Variants in CRABP1 observed in about 807,000 individuals in gnomAD.
The protein encoded by CRABP1 is cellular retinoic acid-binding protein 1.
In CRABP1, 9 loss-of-function variants were observed where a neutral mutation model predicts 16.4. That is an observed-to-expected ratio of 0.55 (90% confidence interval 0.33 to 0.96). CRABP1 has a LOEUF of 0.96. CRABP1 is among the 40% of genes least tolerant of loss of function. The probability of loss-of-function intolerance (pLI) is 0.03; values close to 1 mark genes in which losing one functional copy is unlikely to be tolerated. For synonymous variants in CRABP1, 72 were observed against 70.4 expected (o/e 1.02, Z -0.11); for missense variants, 157 against 186.0 (o/e 0.84, Z 0.91).
Position 78,344,069 on chromosome 15 carries a change from T to C in CRABP1, c.363+457T>C, listed in dbSNP as rs188070116. Among the ~76,000 whole-genome samples the C allele has an allele frequency of 4.2e-3, 642 of 152,294 alleles. 10 individuals carry two copies. The highest frequency in any genetic ancestry group is 0.015 in the African/African-American group (614 of 41,564). On this transcript the variant is annotated intron_variant, in intron 3 of 3. Transcript: ENST00000299529. ...CAGAACCTTAGAGAACATTTTTAGC[T>C]GTGATTTGCAAACTCCAATGGCCTT...
Position 78,341,449 on chromosome 15 carries a change from G to A in CRABP1, c.249+228G>A, listed in dbSNP as rs960635826. On this transcript the variant is annotated intron_variant, in intron 2 of 3. Transcript: ENST00000299529. The surrounding 1 kb of genome is among the most constrained non-coding windows in gnomAD (Gnocchi z 5.3). ...CCCCATCCCTACGCTGCCTCCCGGG[G>A]TGCTAACAGCCGCGCTTAAAGAGCG... 134 of 545,644 alleles carry A rather than the reference G, an allele frequency of 2.5e-4. 1 individual carries two copies. Among genetic ancestry groups the A allele is most frequent in the South Asian group, 5.3e-4 (27 of 50,704 alleles). 33.8% of individuals were successfully genotyped at this position (545,644 alleles called of 1,614,324 possible).
intron 3 of CRABP1, among the ~76,000 whole-genome samples, chr15:78,347,489 C>T (rs1020731025): frequency 6.6e-6 from 1 of 152,298 alleles, no homozygotes; most frequent in African/African-American, 2.4e-5. Context: ...CAGTTCTATT[C>T]CTTCTCCAAA....
rs769346768 is a variant in CRABP1, at chr15:78,341,194, G to A, written c.222G>A (p.Glu74=). 9.9e-6 allele frequency: 16 copies of A among 1,611,974 alleles called. No individual in the cohort carries two copies. The South Asian group carries it at 1.8e-4, about 18-fold the overall frequency. ...TCAAGGTCGGAGAAGGCTTTGAGGA[G>A]GAGACCGTGGACGGACGCAAGTGCA... is the stretch of plus-strand genomic sequence containing the variant. ...INFKVGEGFE[E]ETVDGRKCRS... The change falls in exon 2 of 4, where the codon GAG becomes GAA. Residue 74 remains glutamate, a synonymous_variant. Transcript: ENST00000299529. This position sits in a 1 kb window ranked among gnomAD's most constrained non-coding sequence, Gnocchi z 5.3.
chr15:78,340,916 G>T, intron 1 of CRABP1, 127 bp from the exon 2 acceptor site: 2 of 962,306 alleles, frequency 2.1e-6, no homozygotes, highest in Non-Finnish European at 3.0e-6. Context: ...AAACAAGGGC[G>T]AGGGCAGGGA....
Position 78,341,259 on chromosome 15 carries a change from C to T in CRABP1, c.249+38C>T, listed in dbSNP as rs767181206. The T allele has an allele frequency of 6.3e-7, 1 of 1,578,976 alleles. No individual in the cohort carries two copies. The highest frequency in any genetic ancestry group is 8.6e-7 in the Non-Finnish European group (1 of 1,162,346). On this transcript the variant is annotated intron_variant, in intron 2 of 3. Coordinates refer to ENST00000299529, the MANE Select transcript of CRABP1 (RefSeq NM_004378.3). The surrounding 1 kb of genome is among the most constrained non-coding windows in gnomAD (Gnocchi z 5.3). ...AGCCACTACAGCGTCCCCGTGTCCC[C>T]GCTCGGTGCCCATGGCCCACTGCTG...
chr15:78,347,164 A>G (rs2050271001), intron 3 of CRABP1, among the ~76,000 whole-genome samples: 1 of 152,124 alleles, frequency 6.6e-6, no homozygotes, highest in South Asian at 2.1e-4. Flanking sequence ...CCATCTGTGC[A>G]ATGATTCGTG....
At position 78,343,265 on chromosome 15, in the gene CRABP1, G is replaced by A. The variant is rs190822623; in HGVS notation, c.250-234G>A. Among the ~76,000 whole-genome samples, 653 of 152,270 alleles carry A rather than the reference G, an allele frequency of 4.3e-3. 10 individuals are homozygous for A. The highest frequency in any genetic ancestry group is 0.015 in the African/African-American group (610 of 41,546). On this transcript the variant is annotated intron_variant, in intron 2 of 3. Coordinates refer to ENST00000299529, the MANE Select transcript of CRABP1 (RefSeq NM_004378.3). ...GCTGCTTCAGTAAGAGATTGTTTGT[G>A]TGTGCTTGTGAGTGTGTGTGTGTGT...
chr15:78,346,831 G>A (rs945065021), intron 3 of CRABP1, among the ~76,000 whole-genome samples: 1 of 152,184 alleles, frequency 6.6e-6, no homozygotes, highest in Non-Finnish European at 1.5e-5. Context: ...TCCTAGGATA[G>A]CTAAATGCCT....
In CRABP1 at chr15:78,348,038, T is replaced by C. The variant is rs2050276977; in HGVS notation, c.*61T>C. 6.5e-6 allele frequency: 10 copies of C among 1,537,852 alleles called. No homozygotes were observed. The highest frequency in any genetic ancestry group is 9.0e-6 in the Non-Finnish European group (10 of 1,114,858). On this transcript the variant is annotated 3_prime_UTR_variant, in exon 4 of 4. Transcript: ENST00000299529. ...GCAGGCTCCCCTGAGGAATATGTCA[T>C]AGTTCTGAGCTGCCAGTGGACCGCC... is the stretch of plus-strand genomic sequence containing the variant.
chr15:78,342,861 T>G (rs544510642), intron 2 of CRABP1, among the ~76,000 whole-genome samples: 61 of 152,318 alleles, frequency 4.0e-4, no homozygotes, highest in African/African-American at 1.3e-3. Context: ...CTTGTGGTTC[T>G]GATGTGAAGG....
At chr15:78,343,363 G>C in intron 2 of CRABP1, 136 bp from the exon 3 acceptor site, 2 of 694,702 alleles carry the variant, frequency 2.9e-6, no homozygotes, top group Admixed American at 5.0e-5. Flanking sequence ...AGGCTCAGCG[G>C]AGAAGAATCT....
At chr15:78,346,064 T>C (rs985420841) in intron 3 of CRABP1, among the ~76,000 whole-genome samples, 1 of 152,216 alleles carries the variant, frequency 6.6e-6, no homozygotes, top group African/African-American at 2.4e-5. Flanking sequence ...TCTTCTCATG[T>C]CATGAAGCTA....
chr15:78,343,628 C>T lies in CRABP1; in HGVS notation c.363+16C>T. ...ACTTATCCTGGTAGGGAACCCTTGA[C>T]CCTGAAATAATCCTGAAGTTCCCCC... On this transcript the variant is annotated intron_variant, in intron 3 of 3. Transcript: ENST00000299529. The T allele has an allele frequency of 6.2e-7, 1 of 1,608,296 alleles. No individual in the cohort carries two copies. The highest frequency in any genetic ancestry group is 8.5e-7 in the Non-Finnish European group (1 of 1,175,120).
At position 78,348,064 on chromosome 15, in the gene CRABP1, C is replaced by A; in HGVS notation, c.*87C>A. 4 of 1,273,464 alleles carry A rather than the reference C, an allele frequency of 3.1e-6. No individual in the cohort carries two copies. The South Asian group carries it at 5.0e-5, about 16-fold the overall frequency. 78.9% of individuals were successfully genotyped at this position (1,273,464 alleles called of 1,614,324 possible). ...AGTTCTGAGCTGCCAGTGGACCGCC[C>A]TTTTCCCCTACCAATATTAGGTGAT... On this transcript the variant is annotated 3_prime_UTR_variant, in exon 4 of 4. Transcript: ENST00000299529.
chr15:78,343,265 G>C (rs190822623), intron 2 of CRABP1, among the ~76,000 whole-genome samples: 4 of 152,154 alleles, frequency 2.6e-5, no homozygotes, highest in African/African-American at 9.7e-5. Context: ...GATTGTTTGT[G>C]TGTGCTTGTG....
chr15:78,343,222 A>C (rs1182936325), intron 2 of CRABP1, among the ~76,000 whole-genome samples: 1 of 152,202 alleles, frequency 6.6e-6, no homozygotes, highest in Non-Finnish European at 1.5e-5. Context: ...TAGAGATGTA[A>C]AGCATGCCTA....
chr15:78,347,319 G>A (rs1279828128), intron 3 of CRABP1, among the ~76,000 whole-genome samples: 1 of 152,120 alleles, frequency 6.6e-6, no homozygotes, highest in East Asian at 1.9e-4. Context: ...GAAAACATTT[G>A]CCCCCAAGCT....
intron 2 of CRABP1, among the ~76,000 whole-genome samples, chr15:78,343,053 T>C (rs2050243616): frequency 6.6e-6 from 1 of 151,898 alleles, no homozygotes; most frequent in Non-Finnish European, 1.5e-5. Flanking sequence ...AGGTGGAGGT[T>C]GTAAGGAGCC....
In CRABP1 at chr15:78,341,654, C is replaced by T; in HGVS notation, c.249+433C>T. The T allele has an allele frequency of 6.8e-6, 2 of 294,424 alleles. No individual in the cohort carries two copies. The highest frequency in any genetic ancestry group is 1.3e-5 in the Non-Finnish European group (2 of 149,576). 18.2% of individuals were successfully genotyped at this position (294,424 alleles called of 1,614,324 possible). On this transcript the variant is annotated intron_variant, in intron 2 of 3. Transcript: ENST00000299529. This position sits in a 1 kb window ranked among gnomAD's most constrained non-coding sequence, Gnocchi z 5.3. ...CCCGCGCCCGCCCGGGTCCCTGGGC[C>T]GCCTGGGTACGCTCTGGATACAGTT...
Sources: gnomAD v4.1 joint callset for allele counts (sites outside exome capture counted in the v4.1 genomes callset) on GRCh38, gnomAD v4.1.1 for gene constraint, Gnocchi (gnomAD v3.1) non-coding constraint, MANE v1.5 for transcripts, NCBI Gene and HGNC (gene_info 2026-07-23, HGNC 2026-07-21) for gene names.